Variants in TENM2 observed in about 807,000 individuals in gnomAD.
TENM2 encodes the protein teneurin transmembrane protein 2, also known as teneurin-2.
Under a neutral mutation model 245.2 loss-of-function variants are expected in TENM2, and 52 were observed. The observed-to-expected ratio is 0.21, with a 90% confidence interval of 0.17 to 0.27. TENM2 has a LOEUF of 0.27. Ranked by LOEUF, TENM2 falls within the 10% of genes least tolerant of loss-of-function variation. TENM2 has a pLI of 1.00. For synonymous variants in TENM2, 1,363 were observed against 1,438.9 expected, an observed-to-expected ratio of 0.95 and a Z score of 1.19; for missense variants, 3,046 against 3,666.8, an observed-to-expected ratio of 0.83 and a Z score of 4.37.
intron 1 of TENM2, among the ~76,000 whole-genome samples, chr5:167,345,414 G>A (rs150795459): frequency 1.3e-5 from 2 of 152,308 alleles, no homozygotes; most frequent in African/African-American, 2.4e-5. Flanking sequence ...CATCATTTAC[G>A]CACCCAGGGC....
At chr5:168,203,412 G>A (rs959443230) in intron 17 of TENM2, among the ~76,000 whole-genome samples, 1 of 152,096 alleles carries the variant, frequency 6.6e-6, no homozygotes, top group African/African-American at 2.4e-5. Flanking sequence ...ATGTCACCAG[G>A]GTCATTTTTG....
intron 5 of TENM2, among the ~76,000 whole-genome samples, chr5:168,008,227 G>A (rs565688959): frequency 3.9e-5 from 6 of 152,126 alleles, no homozygotes; most frequent in African/African-American, 1.4e-4. Context: ...CATTCCAGAT[G>A]GGGGAACTAG....
chr5:167,890,218 T>G (rs879750110), intron 3 of TENM2, among the ~76,000 whole-genome samples: 1 of 152,120 alleles, frequency 6.6e-6, no homozygotes, highest in Non-Finnish European at 1.5e-5. Flanking sequence ...AGGAAAAGAC[T>G]GAGAACTAGG....
rs138250978 is a variant in TENM2, at chr5:167,614,757, G to T, written c.502+239284G>T. ...GATGGGTAAATAAACAAGGAGAAAT[G>T]GGGATTGCTGGGAGAATCAAGGCAA... is the stretch of plus-strand genomic sequence containing the variant. On this transcript the variant is annotated intron_variant, in intron 2 of 28. Transcript: ENST00000518659. Among the ~76,000 whole-genome samples, 1,221 of 152,142 alleles carry T rather than the reference G, an allele frequency of 8.0e-3. 7 individuals are homozygous for T. Among genetic ancestry groups the T allele is most frequent in the Non-Finnish European group, 0.013 (872 of 67,984 alleles).
intron 13 of TENM2, among the ~76,000 whole-genome samples, chr5:168,190,003 G>A (rs775136175): frequency 6.6e-5 from 10 of 152,152 alleles, no homozygotes; most frequent in Non-Finnish European, 1.2e-4. Flanking sequence ...GTTTAAAAGC[G>A]AAGTTTTTGT....
intron 7 of TENM2, among the ~76,000 whole-genome samples, chr5:168,074,004 C>T (rs1035154284): frequency 6.6e-6 from 1 of 152,166 alleles, no homozygotes; most frequent in Non-Finnish European, 1.5e-5. Flanking sequence ...TTCCAGGGAA[C>T]TCGTTCACCT....
At chr5:167,952,929 G>A in intron 4 of TENM2, 107 bp downstream of exon 6, 1 of 898,888 alleles carries the variant, frequency 1.1e-6, no homozygotes, top group Admixed American at 2.2e-5. Flanking sequence ...AGACCCTCTG[G>A]GTATAAATAA....
chr5:167,041,089 G>A, the TENM2 span, among the ~76,000 whole-genome samples: 1 of 152,144 alleles, frequency 6.6e-6, no homozygotes, highest in African/African-American at 2.4e-5. Context: ...AGGGCCACAT[G>A]TATGCAGGTG....
chr5:167,024,069 T>C, the TENM2 span, among the ~76,000 whole-genome samples: 1 of 152,184 alleles, frequency 6.6e-6, no homozygotes, highest in Non-Finnish European at 1.5e-5. Flanking sequence ...CACATTTAGA[T>C]AAATTTAAAT....
chr5:167,378,704 A>G (rs1351606292), intron 2 of TENM2, among the ~76,000 whole-genome samples: 1 of 152,082 alleles, frequency 6.6e-6, no homozygotes, highest in Non-Finnish European at 1.5e-5. Context: ...CTCTAAGGCC[A>G]TTTGTATTAT....
the TENM2 span, among the ~76,000 whole-genome samples, chr5:167,085,712 C>T: frequency 1.3e-5 from 2 of 152,152 alleles, no homozygotes; most frequent in South Asian, 4.2e-4. Context: ...TTGTCTAGAT[C>T]ACACAGCTCC....
intron 2 of TENM2, among the ~76,000 whole-genome samples, chr5:167,466,252 C>T (rs1025482): frequency 0.51 from 77,574 of 151,968 alleles, 19,874 homozygotes; most frequent in East Asian, 0.53. Flanking sequence ...CCACTCCTTG[C>T]TCCTCTATAG....
the TENM2 span, among the ~76,000 whole-genome samples, chr5:167,126,836 G>T: frequency 6.6e-6 from 1 of 152,124 alleles, no homozygotes; most frequent in East Asian, 1.9e-4. Context: ...TGGGATGTTG[G>T]GCTTACTAAG....
chr5:168,090,537 C>T, intron 7 of TENM2, 37 bp from the exon 10 acceptor site: 2 of 1,589,678 alleles, frequency 1.3e-6, no homozygotes, highest in Non-Finnish European at 1.7e-6. Context: ...ACATCCACAC[C>T]TTGTCTCATG....
intron 4 of TENM2, among the ~76,000 whole-genome samples, chr5:167,973,636 G>T (rs990919874): frequency 6.6e-6 from 1 of 152,180 alleles, no homozygotes; most frequent in East Asian, 1.9e-4. Context: ...GCAGATACGG[G>T]GTCTGAGTTC....
chr5:168,260,366 C>T (rs1768073009), exon 28 of TENM2: 2 of 1,613,772 alleles, frequency 1.2e-6, no homozygotes, highest in African/African-American at 1.3e-5. Flanking sequence ...GTATTTCGTG[C>T]CTCCTCCCTA....
chr5:167,213,915 G>C, the TENM2 span, among the ~76,000 whole-genome samples: 1 of 152,232 alleles, frequency 6.6e-6, no homozygotes, highest in Non-Finnish European at 1.5e-5. Context: ...CTGCAAAGCT[G>C]ATGGCCAACG....
intron 2 of TENM2, among the ~76,000 whole-genome samples, chr5:167,749,155 C>A (rs6867835): frequency 6.6e-6 from 1 of 150,796 alleles, no homozygotes; most frequent in Admixed American, 6.6e-5. Flanking sequence ...ATAGAGAAAC[C>A]GAGGAAAAAC....
chr5:167,593,904 T>A (rs1776035761), intron 2 of TENM2, among the ~76,000 whole-genome samples: 2 of 152,188 alleles, frequency 1.3e-5, no homozygotes, highest in African/African-American at 4.8e-5. Flanking sequence ...AATATCCATG[T>A]TGTGGGCAAA....
Sources: allele counts gnomAD v4.1 joint callset (sites outside exome capture counted in the v4.1 genomes callset), GRCh38; gene constraint gnomAD v4.1.1; transcripts MANE v1.5; gene names NCBI Gene and HGNC (gene_info 2026-07-23, HGNC 2026-07-21).